Variants in HCRTR2 observed in about 807,000 individuals in gnomAD.
The protein encoded by HCRTR2 is orexin receptor type 2.
In HCRTR2, 22 loss-of-function variants were observed where a neutral mutation model predicts 49.0. The observed-to-expected ratio is 0.45, with a 90% CI of 0.32 to 0.64. HCRTR2 has a LOEUF of 0.64. Among genes scored for constraint, HCRTR2 ranks in the 30% least tolerant of loss-of-function variants. HCRTR2 has a pLI of 0.04. For missense variants in HCRTR2, 491 were observed against 559.4 expected (o/e 0.88, Z 1.23); for synonymous variants, 236 against 205.3 (o/e 1.15, Z -1.28).
Position 55,159,652 on chromosome 6 carries a change from T to C in HCRTR2, c.-377-14559T>C, listed in dbSNP as rs190769683. Among the ~76,000 whole-genome samples the C allele has an allele frequency of 5.8e-3, 876 of 152,306 alleles. 7 individuals carry two copies. Among genetic ancestry groups the C allele is most frequent in the African/African-American group, 0.02 (832 of 41,564 alleles). On this transcript the variant is annotated intron_variant, in intron 1 of 7. Transcript: ENST00000615358. The stretch of plus-strand genomic sequence containing the variant: ...TTAGAGAAGAGCATAAATGACCTGA[T>C]GGAGCTGAAAACTATAGCACAAGAA...
At chr6:55,276,547 T>C (rs879597309) in intron 4 of HCRTR2, among the ~76,000 whole-genome samples, 16 of 152,224 alleles carry the variant, frequency 1.1e-4, no homozygotes, top group Non-Finnish European at 2.4e-4. Flanking sequence ...TAAAAAATTA[T>C]GCATGCTGAA....
intron 1 of HCRTR2, among the ~76,000 whole-genome samples, chr6:55,226,883 T>C (rs936846347): frequency 2.0e-5 from 3 of 152,012 alleles, no homozygotes; most frequent in African/African-American, 7.2e-5. Flanking sequence ...CACGCCCGGC[T>C]AATTGTGATT....
chr6:55,141,555 A>G (rs1327019902), intron 1 of HCRTR2, among the ~76,000 whole-genome samples: 2 of 152,178 alleles, frequency 1.3e-5, no homozygotes, highest in African/African-American at 4.8e-5. Flanking sequence ...TTATTTGTTT[A>G]AAGAACATTA....
chr6:55,193,431 G>A (rs1301690898), intron 1 of HCRTR2, among the ~76,000 whole-genome samples: 2 of 152,090 alleles, frequency 1.3e-5, no homozygotes, highest in Non-Finnish European at 2.9e-5. Flanking sequence ...CAGAGGCAGG[G>A]CATAAAGGAG....
chr6:55,277,718 T>G, intron 5 of HCRTR2, 118 bp downstream of exon 5: 2 of 781,876 alleles, frequency 2.6e-6, no homozygotes, highest in Non-Finnish European at 2.1e-6. Flanking sequence ...TTAGATACCT[T>G]GTCAGGCCAG....
intron 1 of HCRTR2, among the ~76,000 whole-genome samples, 159 bp downstream of exon 1, chr6:55,174,969 G>A (rs992292520): frequency 4.6e-5 from 7 of 152,068 alleles, no homozygotes; most frequent in Non-Finnish European, 4.4e-5. Flanking sequence ...ATAATAGAAA[G>A]TTTTCTGATT....
intron 2 of HCRTR2, 129 bp from the exon 3 acceptor site, chr6:55,255,006 GA>G: frequency 3.3e-6 from 3 of 897,826 alleles, no homozygotes; most frequent in Non-Finnish European, 5.2e-6. Flanking sequence ...CACTTGCATG[GA>G]TTGTTTATTT....
chr6:55,132,178 A>G (rs1367463086), intron 1 of HCRTR2, among the ~76,000 whole-genome samples: 1 of 151,894 alleles, frequency 6.6e-6, no homozygotes, highest in Admixed American at 6.6e-5. Context: ...AAAGTCTATT[A>G]AACACATACA....
chr6:55,231,553 A>G (rs761373162), intron 1 of HCRTR2, among the ~76,000 whole-genome samples: 2 of 152,120 alleles, frequency 1.3e-5, no homozygotes, highest in African/African-American at 2.4e-5. Flanking sequence ...ATAAAGTAAA[A>G]ATCTGCTTTG....
At chr6:55,229,546 T>C (rs146203967) in intron 1 of HCRTR2, among the ~76,000 whole-genome samples, 3,913 of 152,298 alleles carry the variant, frequency 0.026, 69 homozygotes, top group Non-Finnish European at 0.038. Context: ...TGGAATATTA[T>C]TCAGCCTTAA....
rs60747475 is a variant in HCRTR2 at position 55,236,257 on chromosome 6, A to G, written c.224-12382A>G. Among the ~76,000 whole-genome samples, 1,348 of 151,986 alleles carry G rather than the reference A, an allele frequency of 8.9e-3. 18 individuals are homozygous for G. The highest frequency in any genetic ancestry group is 0.029 in the African/African-American group (1,202 of 41,504). On this transcript the variant is annotated intron_variant, in intron 1 of 6. Transcript: ENST00000370862. Reference sequence around the variant, plus strand: ...TTGAACATTTATTATTCTATTGTCAATAGTATCATCTATTTAAATTGCATT... The same window carrying G: ...TTGAACATTTATTATTCTATTGTCAGTAGTATCATCTATTTAAATTGCATT...
chr6:55,189,773 A>C (rs1765285669), intron 1 of HCRTR2, among the ~76,000 whole-genome samples: 1 of 152,232 alleles, frequency 6.6e-6, no homozygotes, highest in Non-Finnish European at 1.5e-5. Flanking sequence ...CACGTCCTGC[A>C]CATGTATCCC....
chr6:55,232,605 T>C (rs1376313258), intron 1 of HCRTR2, among the ~76,000 whole-genome samples: 1 of 152,202 alleles, frequency 6.6e-6, no homozygotes, highest in Non-Finnish European at 1.5e-5. Context: ...TGTTAAATAT[T>C]CAGAGATAGA....
In HCRTR2 at chr6:55,119,427, G is replaced by A. The variant is rs141673995; in HGVS notation, c.-378+12882G>A. On this transcript the variant is annotated intron_variant, in intron 1 of 7. Coordinates refer to the HCRTR2 transcript ENST00000615358. ...TGTAAAAGCATTCCTATTTCTCCAC[G>A]TCCTCTCCAGCATTTGTTGTTTCCT... Among the ~76,000 whole-genome samples the A allele has an allele frequency of 5.1e-4, 77 of 151,880 alleles. 1 individual carries two copies. The highest frequency in any genetic ancestry group is 3.4e-3 in the Middle Eastern group (1 of 294).
intron 4 of HCRTR2, among the ~76,000 whole-genome samples, chr6:55,265,368 A>C (rs1766842503): frequency 6.6e-6 from 1 of 152,096 alleles, no homozygotes; most frequent in Non-Finnish European, 1.5e-5. Context: ...TTGCAACAAC[A>C]GTTCTGTTTC....
intron 1 of HCRTR2, among the ~76,000 whole-genome samples, chr6:55,227,835 G>A (rs1182189419): frequency 6.6e-6 from 1 of 152,198 alleles, no homozygotes; most frequent in Non-Finnish European, 1.5e-5. Context: ...AAATGAAATT[G>A]AGAGTGTAGA....
downstream of HCRTR2, among the ~76,000 whole-genome samples, chr6:55,283,309 AC>A (rs1285915660): frequency 6.6e-6 from 1 of 152,188 alleles, no homozygotes; most frequent in Non-Finnish European, 1.5e-5. Context: ...AGTGAGGGAG[AC>A]ATGTTGACAG....
At chr6:55,203,850 G>T (rs1036333568) in intron 1 of HCRTR2, among the ~76,000 whole-genome samples, 4 of 151,932 alleles carry the variant, frequency 2.6e-5, no homozygotes, top group Non-Finnish European at 2.9e-5. Context: ...GTAAGAAATT[G>T]TAAGTCATTG....
At chr6:55,142,412 G>A (rs971999541) in intron 1 of HCRTR2, among the ~76,000 whole-genome samples, 10 of 145,522 alleles carry the variant, frequency 6.9e-5, no homozygotes, top group African/African-American at 2.6e-4. Flanking sequence ...ATTTCAACGT[G>A]TTAGCCAGGA....
Sources: gnomAD v4.1 joint callset for allele counts (sites outside exome capture counted in the v4.1 genomes callset) on GRCh38, gnomAD v4.1.1 for gene constraint, MANE v1.5 for transcripts, NCBI Gene and HGNC (gene_info 2026-07-23, HGNC 2026-07-21) for gene names.